Variants in FOXP1 observed in about 807,000 individuals in gnomAD.
FOXP1 encodes the protein forkhead box P1, also known as forkhead box protein P1.
A neutral mutation model predicts 98.2 loss-of-function variants in FOXP1; 15 were observed. That is an observed-to-expected ratio of 0.15 (90% confidence interval 0.10 to 0.24). The LOEUF (loss-of-function observed/expected upper bound fraction) is 0.24. Among genes scored for constraint, FOXP1 ranks in the 10% least tolerant of loss-of-function variants. The pLI, the probability that FOXP1 is intolerant of heterozygous loss-of-function variation, is 1.00. For synonymous variants in FOXP1, 371 were observed against 314.5 expected, an observed-to-expected ratio of 1.18 and a Z score of -1.90; for missense variants, 633 against 848.5, an observed-to-expected ratio of 0.75 and a Z score of 3.15.
At chr3:70,963,610 T>C (rs2034075752) in intron 20 of FOXP1, among the ~76,000 whole-genome samples, 1 of 152,188 alleles carries the variant, frequency 6.6e-6, no homozygotes. Flanking sequence ...AAACCACACA[T>C]TTCCCTTCTC....
At chr3:71,245,184 T>A (rs998460957) in intron 5 of FOXP1, 6 of 152,178 alleles carry the variant, frequency 3.9e-5, no homozygotes, top group African/African-American at 1.4e-4. Context: ...GTTAGGAGCT[T>A]TCTCCCGGAG....
chr3:71,197,742 C>T, intron 6 of FOXP1: 1 of 831,902 alleles, frequency 1.2e-6, no homozygotes. Flanking sequence ...CTCCGCCTGT[C>T]TTTCTATGTA....
chr3:71,363,967 G>A (rs556417429), intron 3 of FOXP1, among the ~76,000 whole-genome samples: 50 of 152,212 alleles, frequency 3.3e-4, no homozygotes, highest in South Asian at 6.2e-4. Flanking sequence ...GATGGAATTC[G>A]CCTGGGTCCC....
intron 14 of FOXP1, among the ~76,000 whole-genome samples, chr3:70,986,429 G>A (rs1317987188): frequency 6.6e-6 from 1 of 152,246 alleles, no homozygotes; most frequent in African/African-American, 2.4e-5. Context: ...GAGGAAGACA[G>A]AGATAATCTC....
At chr3:71,563,967 G>C (rs549945636) in intron 2 of FOXP1, among the ~76,000 whole-genome samples, 2 of 152,226 alleles carry the variant, frequency 1.3e-5, no homozygotes, top group Non-Finnish European at 2.9e-5. Context: ...CAGATTATCA[G>C]TAAGGTGATA....
chr3:71,219,743 T>G (rs2065211663), intron 5 of FOXP1, among the ~76,000 whole-genome samples: 1 of 152,262 alleles, frequency 6.6e-6, no homozygotes, highest in South Asian at 2.1e-4. Context: ...TTTACTTTTT[T>G]GAATCCAGTT....
intron 6 of FOXP1, among the ~76,000 whole-genome samples, chr3:71,139,285 G>T (rs916048591): frequency 2.0e-5 from 3 of 152,042 alleles, no homozygotes; most frequent in African/African-American, 7.2e-5. Context: ...ACTCATAATG[G>T]CACTGTAATA....
At chr3:70,966,735 A>T (rs1446477395) in intron 19 of FOXP1, among the ~76,000 whole-genome samples, 1 of 152,204 alleles carries the variant, frequency 6.6e-6, no homozygotes, top group Non-Finnish European at 1.5e-5. Context: ...GCTCTAACTC[A>T]TATTTATTTT....
chr3:71,300,534 C>T (rs954438569), intron 4 of FOXP1, among the ~76,000 whole-genome samples: 2 of 152,124 alleles, frequency 1.3e-5, no homozygotes, highest in African/African-American at 4.8e-5. Context: ...CACAAAGAAA[C>T]CATGGAACAC....
intron 12 of FOXP1, among the ~76,000 whole-genome samples, chr3:71,011,784 C>T (rs1049550077): frequency 6.6e-6 from 1 of 152,220 alleles, no homozygotes; most frequent in South Asian, 2.1e-4. Flanking sequence ...GAGAACATGT[C>T]GTGTCATGTG....
At chr3:71,036,778 G>A (rs1306604579) in intron 11 of FOXP1, among the ~76,000 whole-genome samples, 2 of 151,968 alleles carry the variant, frequency 1.3e-5, no homozygotes, top group African/African-American at 4.8e-5. Context: ...TGAAAGGCCT[G>A]GTAAATATGA....
At chr3:71,385,375 A>G (rs181987693) in intron 3 of FOXP1, among the ~76,000 whole-genome samples, 367 of 152,340 alleles carry the variant, frequency 2.4e-3, no homozygotes, top group Non-Finnish European at 4.3e-3. Flanking sequence ...TTTGAGGGGT[A>G]TAAAATTCTG....
intron 4 of FOXP1, among the ~76,000 whole-genome samples, chr3:71,327,449 G>A (rs373500482): frequency 2.2e-5 from 3 of 139,400 alleles, no homozygotes; most frequent in African/African-American, 5.3e-5. Context: ...GTGCAGTGGT[G>A]CGATCTCAGC....
chr3:71,489,405 T>C (rs150873399), intron 3 of FOXP1, among the ~76,000 whole-genome samples: 144 of 152,342 alleles, frequency 9.5e-4, no homozygotes, highest in African/African-American at 3.4e-3. Flanking sequence ...AACCTAGTGG[T>C]AGAGACGATG....
intron 3 of FOXP1, among the ~76,000 whole-genome samples, chr3:71,472,951 A>G (rs1374222050): frequency 6.6e-6 from 1 of 152,164 alleles, no homozygotes; most frequent in African/African-American, 2.4e-5. Context: ...TTAAATTTCA[A>G]CTTCTCAGAT....
chr3:71,310,876 T>C (rs2074632842), intron 4 of FOXP1, among the ~76,000 whole-genome samples: 1 of 152,220 alleles, frequency 6.6e-6, no homozygotes, highest in South Asian at 2.1e-4. Flanking sequence ...TGACAGGCTC[T>C]CAAAGATATT....
chr3:71,513,007 G>A (rs1327489157), intron 2 of FOXP1, among the ~76,000 whole-genome samples: 1 of 152,144 alleles, frequency 6.6e-6, no homozygotes, highest in East Asian at 1.9e-4. Flanking sequence ...AGTAAGGTCA[G>A]TTTTAGGGGA....
chr3:70,999,945 C>T (rs2107603707), intron 13 of FOXP1, among the ~76,000 whole-genome samples: 1 of 152,284 alleles, frequency 6.6e-6, no homozygotes, highest in Admixed American at 6.5e-5. Context: ...CTCTTGCCTA[C>T]ACTAGACCAG....
intron 11 of FOXP1, chr3:71,040,488 G>T (rs1212407603): frequency 6.6e-6 from 1 of 152,086 alleles, no homozygotes; most frequent in Non-Finnish European, 1.5e-5. Context: ...TTCTTGAAAA[G>T]CACTTCAACA....
Sources: gnomAD v4.1 joint callset for allele counts (sites outside exome capture counted in the v4.1 genomes callset) on GRCh38, gnomAD v4.1.1 for gene constraint, MANE v1.5 for transcripts, NCBI Gene and HGNC (gene_info 2026-07-23, HGNC 2026-07-21) for gene names.